Variants in ERBB4 observed in about 807,000 individuals in gnomAD.
The protein encoded by ERBB4 is erb-b2 receptor tyrosine kinase 4.
In ERBB4, 42 loss-of-function variants were observed where a neutral mutation model predicts 158.0. The ratio of observed to expected loss-of-function variants is 0.27; its 90% CI spans 0.21 to 0.34. The LOEUF is 0.34. ERBB4 is among the 10% of genes least tolerant of loss of function. The pLI is 1.00. For synonymous variants in ERBB4, 583 were observed against 558.7 expected (o/e 1.04, Z -0.61); for missense variants, 1,333 against 1,624.1 (o/e 0.82, Z 3.08).
intron 1 of ERBB4, among the ~76,000 whole-genome samples, chr2:212,261,406 A>T (rs1193845303): frequency 6.6e-6 from 1 of 152,208 alleles, no homozygotes; most frequent in African/African-American, 2.4e-5. Context: ...AGGATAAAAA[A>T]GTTAACAACT....
At chr2:212,104,708 A>C (rs1292631250) in intron 2 of ERBB4, among the ~76,000 whole-genome samples, 1 of 152,152 alleles carries the variant, frequency 6.6e-6, no homozygotes, top group East Asian at 1.9e-4. Context: ...ACTATAATGC[A>C]TTTCTAAAGT....
chr2:211,547,346 T>A (rs913626480), intron 20 of ERBB4, among the ~76,000 whole-genome samples: 6 of 152,078 alleles, frequency 3.9e-5, no homozygotes, highest in Non-Finnish European at 5.9e-5. Context: ...CCCACTGTAG[T>A]TTTTCTGTTT....
intron 2 of ERBB4, among the ~76,000 whole-genome samples, chr2:212,012,780 T>C (rs973706538): frequency 2.0e-5 from 3 of 152,058 alleles, no homozygotes; most frequent in African/African-American, 7.2e-5. Flanking sequence ...GGTCTTTCTA[T>C]GTCCCTCAGC....
At chr2:212,538,329 G>T in intron 1 of ERBB4, 120 bp downstream of exon 1, 2 of 855,170 alleles carry the variant, frequency 2.3e-6, no homozygotes, top group African/African-American at 1.6e-5. Context: ...CCAGGGAAGA[G>T]GCCCCGGTCA....
chr2:211,757,582 T>A (rs1475170266), intron 4 of ERBB4, among the ~76,000 whole-genome samples: 1 of 152,162 alleles, frequency 6.6e-6, no homozygotes, highest in African/African-American at 2.4e-5. Context: ...AACAGAAGTG[T>A]AAAATGCACA....
intron 3 of ERBB4, among the ~76,000 whole-genome samples, chr2:211,807,291 C>T (rs745363274): frequency 2.0e-5 from 3 of 152,146 alleles, no homozygotes; most frequent in Admixed American, 6.5e-5. Context: ...TATCCCTTCC[C>T]CTGGCCCCCA....
At chr2:211,573,526 C>T (rs905940544) in intron 19 of ERBB4, among the ~76,000 whole-genome samples, 6 of 151,836 alleles carry the variant, frequency 4.0e-5, no homozygotes, top group African/African-American at 1.2e-4. Context: ...AAAAATTAGC[C>T]GGGCATGGTG....
intron 3 of ERBB4, among the ~76,000 whole-genome samples, chr2:211,863,503 C>T (rs192328240): frequency 1.3e-3 from 196 of 152,292 alleles, no homozygotes; most frequent in African/African-American, 4.5e-3. Flanking sequence ...CCACAGGGGT[C>T]TGCGGCTTCA....
chr2:212,132,815 G>GTA (rs1201219869), intron 1 of ERBB4, among the ~76,000 whole-genome samples: 1 of 151,936 alleles, frequency 6.6e-6, no homozygotes, highest in African/African-American at 2.4e-5. Context: ...ATGTGTGTGT[G>GTA]TATATATACT....
chr2:212,474,206 ATT>A (rs547655901), intron 1 of ERBB4, among the ~76,000 whole-genome samples: 1 of 146,738 alleles, frequency 6.8e-6, no homozygotes, highest in African/African-American at 2.5e-5. Flanking sequence ...CAAAATAGTG[ATT>A]TTTTTTTTTT....
Position 211,383,644 on chromosome 2 carries a change from G to A in ERBB4, c.3898C>T (p.Pro1300Ser), listed in dbSNP as rs1325370392. The change falls in exon 28 of 28, where the codon CCT (proline) becomes TCT (serine). Residue 1300 changes from proline to serine, a missense_variant. Physicochemically the swap from Pro to Ser is moderately conservative, Grantham distance 74. Coordinates refer to ENST00000342788, the MANE Select transcript of ERBB4 (RefSeq NM_005235.3). ...ACCACAGTATTCCGGTGTCTGTAAGGTGGAGGCGGCAGCACAGTGCCTGGC... is the reference window on the plus strand; with the variant it reads ...ACCACAGTATTCCGGTGTCTGTAAGATGGAGGCGGCAGCACAGTGCCTGGC... ...LKPGTVLPPP[P>S]YRHRNTVV 1.2e-6 allele frequency: 2 copies of A among 1,613,538 alleles called. No individual in the cohort carries two copies. Among genetic ancestry groups the A allele is most frequent in the South Asian group, 1.1e-5 (1 of 91,064 alleles).
intron 1 of ERBB4, among the ~76,000 whole-genome samples, chr2:212,193,684 T>C (rs150009354): frequency 6.6e-6 from 1 of 152,122 alleles, no homozygotes; most frequent in Non-Finnish European, 1.5e-5. Flanking sequence ...CAAATATATT[T>C]CTGAAACTGT....
intron 3 of ERBB4, among the ~76,000 whole-genome samples, chr2:211,854,548 C>T (rs79578622): frequency 0.044 from 6,739 of 152,138 alleles, 260 homozygotes; most frequent in Middle Eastern, 0.068. Flanking sequence ...TTAGTTTTAC[C>T]TAATTGTAAA....
chr2:212,432,383 C>T (rs1432969022), intron 1 of ERBB4, among the ~76,000 whole-genome samples: 1 of 152,010 alleles, frequency 6.6e-6, no homozygotes, highest in Non-Finnish European at 1.5e-5. Flanking sequence ...TTTTAAGTTA[C>T]TTGTAATATG....
At chr2:212,451,028 T>A (rs1009886747) in intron 1 of ERBB4, among the ~76,000 whole-genome samples, 2 of 152,124 alleles carry the variant, frequency 1.3e-5, no homozygotes, top group African/African-American at 2.4e-5. Context: ...CTAATTTTTT[T>A]ATTTTTTTGT....
At chr2:212,418,787 C>T (rs1040189968) in intron 1 of ERBB4, among the ~76,000 whole-genome samples, 3 of 151,582 alleles carry the variant, frequency 2.0e-5, no homozygotes, top group African/African-American at 4.8e-5. Flanking sequence ...ACAAAATCTT[C>T]ATAATAACAA....
chr2:211,766,926 T>C (rs1449787536), intron 4 of ERBB4, among the ~76,000 whole-genome samples: 1 of 152,192 alleles, frequency 6.6e-6, no homozygotes, highest in Admixed American at 6.5e-5. Context: ...TTCATTTGCA[T>C]AGGGGTGTGA....
chr2:211,622,635 T>A (rs1411301369), intron 18 of ERBB4, among the ~76,000 whole-genome samples: 1 of 151,944 alleles, frequency 6.6e-6, no homozygotes, highest in Admixed American at 6.6e-5. Context: ...AACAGATATG[T>A]TTGTAAAATG....
chr2:211,388,957 C>G (rs766917271), intron 25 of ERBB4, among the ~76,000 whole-genome samples: 6 of 152,178 alleles, frequency 3.9e-5, no homozygotes, highest in Non-Finnish European at 7.3e-5. Flanking sequence ...TTTTATGAAG[C>G]TTATATTCTC....
Sources: gnomAD v4.1 joint callset for allele counts (sites outside exome capture counted in the v4.1 genomes callset) on GRCh38, gnomAD v4.1.1 for gene constraint, MANE v1.5 for transcripts, NCBI Gene and HGNC (gene_info 2026-07-23, HGNC 2026-07-21) for gene names.